The following COL5A3 variants were observed in gnomAD, a reference collection of about 807,000 sequenced individuals.
The protein encoded by COL5A3 is collagen type V alpha 3 chain, also known as collagen alpha-3(V) chain.
A neutral mutation model predicts 250.0 loss-of-function variants in COL5A3; 172 were observed. The ratio of observed to expected loss-of-function variants is 0.69; its 90% CI spans 0.61 to 0.78. COL5A3 has a LOEUF of 0.78. Among genes scored for constraint, COL5A3 ranks in the 30% least tolerant of loss-of-function variants. The probability of loss-of-function intolerance (pLI) is 0.00; values close to 1 mark genes in which losing one functional copy is unlikely to be tolerated. For missense variants in COL5A3, 2,340 were observed against 2,334.4 expected (o/e 1.00, Z -0.05); for synonymous variants, 937 against 900.4 (o/e 1.04, Z -0.73).
rs1456789502 is a variant in COL5A3 at position 9,967,573 on chromosome 19, G to C, written c.4405-173C>G. The C allele has an allele frequency of 8.2e-6, 5 of 606,444 alleles. No homozygotes were observed. The East Asian group carries it at 1.3e-4, about 15-fold the overall frequency. The allele number at this position is 606,444 out of a possible 1,614,324, so 37.6% of individuals were successfully genotyped here. On this transcript the variant is annotated intron_variant, in intron 61 of 66. Coordinates refer to ENST00000264828, the MANE Select transcript of COL5A3 (RefSeq NM_015719.4). ...CACACACATACAGCCTTGGGGAAGA[G>C]ACATGCAGTTTTCAGCATTAGGCAT...
At chr19:9,969,496 C>T (rs372025771) in intron 56 of COL5A3, 79 bp downstream of exon 56, 104 of 1,592,042 alleles carry the variant, frequency 6.5e-5, no homozygotes, top group Non-Finnish European at 7.9e-5. Context: ...CCCCTCCAAA[C>T]GGTGATGGGA....
chr19:10,009,893 A>G lies in COL5A3; in HGVS notation c.88+405T>C, dbSNP rs2087502068. 6.6e-6 allele frequency among the ~76,000 whole-genome samples: 1 copy of G among 152,088 alleles called. No individual in the cohort carries two copies. Among genetic ancestry groups the G allele is most frequent in the African/African-American group, 2.4e-5 (1 of 41,404 alleles). On this transcript the variant is annotated intron_variant, in intron 1 of 66. Transcript: ENST00000264828. This position sits in a 1 kb window ranked among gnomAD's most constrained non-coding sequence, Gnocchi z 4.4. ...ACCCTCGAAAATCAGCACATAGACA[A>G]GAGCACAAGTGCATACTCACCTGTC...
chr19:9,968,850 G>T lies in COL5A3; in HGVS notation c.4153-122C>A. On this transcript the variant is annotated intron_variant, in intron 57 of 66. Transcript: ENST00000264828. This position sits in a 1 kb window ranked among gnomAD's most constrained non-coding sequence, Gnocchi z 4.1. Reference sequence around the variant, plus strand: ...TTCAAATGGGAATTACCAGGGATGAGGTCAAGGGATGGTCAGAGTAGGCCA... The same window carrying T: ...TTCAAATGGGAATTACCAGGGATGATGTCAAGGGATGGTCAGAGTAGGCCA... 2.2e-6 allele frequency: 2 copies of T among 890,554 alleles called. No individual in the cohort carries two copies. The highest frequency in any genetic ancestry group is 1.8e-6 in the Non-Finnish European group (1 of 566,086). The allele number at this position is 890,554 out of a possible 1,614,324, so 55.2% of individuals were successfully genotyped here. A position where few individuals can be genotyped will look rare whatever the true frequency, so the allele number is the denominator to read the frequency against.
At chr19:9,983,944 T>C (rs1386191730) in intron 31 of COL5A3, among the ~76,000 whole-genome samples, 1 of 150,148 alleles carries the variant, frequency 6.7e-6, no homozygotes, top group Non-Finnish European at 1.5e-5. Context: ...AAATCCAACG[T>C]AGGCAAGATA....
chr19:9,976,520 A>C, intron 45 of COL5A3, 38 bp downstream of exon 45: 3 of 1,502,186 alleles, frequency 2.0e-6, no homozygotes, highest in Non-Finnish European at 2.7e-6. Flanking sequence ...CCTCCCTTCA[A>C]GGACCCAGAG....
intron 24 of COL5A3, among the ~76,000 whole-genome samples, chr19:9,990,987 G>A (rs2087180823): frequency 1.3e-5 from 2 of 152,190 alleles, no homozygotes; most frequent in African/African-American, 4.8e-5. Context: ...CATTTTGGGG[G>A]GCCAAGGCAG....
intron 5 of COL5A3, 52 bp from the exon 6 acceptor site, chr19:10,003,766 A>G (rs2087397794): frequency 1.2e-6 from 2 of 1,605,504 alleles, no homozygotes; most frequent in South Asian, 2.2e-5. Flanking sequence ...CAGAGACCCC[A>G]TCATTCAGGT....
At chr19:9,994,255 A>G (rs1359120181) in intron 16 of COL5A3, among the ~76,000 whole-genome samples, 3 of 151,026 alleles carry the variant, frequency 2.0e-5, no homozygotes, top group Non-Finnish European at 4.4e-5. Flanking sequence ...TCATGGCTCA[A>G]TGCAGCTTCG....
intron 32 of COL5A3, among the ~76,000 whole-genome samples, chr19:9,981,397 T>G (rs774044896): frequency 5.3e-5 from 8 of 152,184 alleles, no homozygotes; most frequent in Non-Finnish European, 8.8e-5. Flanking sequence ...TGATCACAGC[T>G]GTGCAGTATG....
intron 64 of COL5A3, among the ~76,000 whole-genome samples, chr19:9,963,729 G>A (rs1428218720): frequency 6.6e-6 from 1 of 152,128 alleles, no homozygotes; most frequent in Non-Finnish European, 1.5e-5. Flanking sequence ...AAGCAGGTGA[G>A]TGAAGAGGAG....
At chr19:9,986,525 A>G (rs1287597716) in intron 29 of COL5A3, 28 bp downstream of exon 29, 2 of 1,611,472 alleles carry the variant, frequency 1.2e-6, no homozygotes. Context: ...CCAGACCCAC[A>G]CCACCCCTCA....
intron 19 of COL5A3, 84 bp from the exon 20 acceptor site, chr19:9,993,151 G>A (rs2087219005): frequency 1.4e-6 from 2 of 1,442,196 alleles, no homozygotes; most frequent in South Asian, 1.2e-5. Context: ...CCCCTTCCAG[G>A]GGGTCTCGGA....
chr19:9,996,012 G>T, intron 15 of COL5A3, 54 bp downstream of exon 15: 1 of 1,458,526 alleles, frequency 6.9e-7, no homozygotes, highest in Non-Finnish European at 9.2e-7. Context: ...GTATCTTGTG[G>T]TCCTGGGGGA....
In COL5A3 at chr19:9,996,213, C is replaced by A; in HGVS notation, c.1472G>T (p.Gly491Val). The change falls in exon 14 of 67, where the codon GGC becomes GTC. Residue 491 changes from glycine to valine, a missense_variant. By Grantham distance (109) the Gly-to-Val change is moderately radical. Around this residue, in one of 3 missense-constraint regions of COL5A3, gnomAD observed 1,152 missense variants for 1,146.3 expected, o/e 1.00. Coordinates refer to ENST00000264828, the MANE Select transcript of COL5A3 (RefSeq NM_015719.4). ...CGCAGTCGCCTTACTCACCACAGGG[C>A]CTGGGCGCCCAGTGAGCCCCACTGG... ...PGPVGLTGRP[G>V]PVGLPGHPGL... The A allele has an allele frequency of 6.4e-7, 1 of 1,574,628 alleles. No individual in the cohort carries two copies. Among genetic ancestry groups the A allele is most frequent in the Non-Finnish European group, 8.6e-7 (1 of 1,162,664 alleles).
intron 1 of COL5A3, among the ~76,000 whole-genome samples, chr19:10,007,074 CTTCT>C (rs200793915): frequency 0.022 from 3,286 of 150,256 alleles, 59 homozygotes; most frequent in South Asian, 0.057. Flanking sequence ...TGACCTCTTC[CTTCT>C]GACTTTCCCC....
At chr19:10,008,045 C>T (rs1049708689) in intron 1 of COL5A3, among the ~76,000 whole-genome samples, 1 of 152,024 alleles carries the variant, frequency 6.6e-6, no homozygotes, top group African/African-American at 2.4e-5. Context: ...GCTAGGCTGT[C>T]ATTAAGAGAA....
chr19:10,000,590 C>T (rs2087345948), intron 8 of COL5A3, among the ~76,000 whole-genome samples: 4 of 151,340 alleles, frequency 2.6e-5, no homozygotes, highest in African/African-American at 9.7e-5. Flanking sequence ...GAGCCACTGC[C>T]CCCGGCCCAG....
chr19:10,001,507 G>GAAA lies in COL5A3; in HGVS notation c.1110+16_1110+17insTTT. On this transcript the variant is annotated intron_variant, in intron 8 of 66. Coordinates refer to ENST00000264828, the MANE Select transcript of COL5A3 (RefSeq NM_015719.4). Reference sequence around the variant, plus strand: ...TCCCACTCTCTTGCACCTAACCCCAGCCACCTAGAAACTCACAGGAAAGAT... The same window carrying GAAA: ...TCCCACTCTCTTGCACCTAACCCCAGAAACCACCTAGAAACTCACAGGAAAGAT... 1 of 1,612,436 alleles carries GAAA rather than the reference G, an allele frequency of 6.2e-7. No individual in the cohort carries two copies. Among genetic ancestry groups the GAAA allele is most frequent in the Middle Eastern group, 1.7e-4 (1 of 6,038 alleles).
In COL5A3 at chr19:9,960,356, A is replaced by C; in HGVS notation, c.*55T>G. On this transcript the variant is annotated 3_prime_UTR_variant, in exon 67 of 67. Transcript: ENST00000264828. ...AATACGGTGGCTTCAAAGCCTCAGC[A>C]CCAAATGCACCCCATTCTGGGGCTC... 6.2e-7 allele frequency: 1 copy of C among 1,608,470 alleles called. No individual in the cohort carries two copies. Among genetic ancestry groups the C allele is most frequent in the Non-Finnish European group, 8.5e-7 (1 of 1,176,390 alleles).
Sources: gnomAD v4.1 joint callset for allele counts (sites outside exome capture counted in the v4.1 genomes callset) on GRCh38, gnomAD v4.1.1 for gene constraint, gnomAD v4.1.1 regional missense constraint, Gnocchi (gnomAD v3.1) non-coding constraint, MANE v1.5 for transcripts, NCBI Gene and HGNC (gene_info 2026-07-23, HGNC 2026-07-21) for gene names.